The following NOL4L variants were observed in gnomAD, a reference collection of about 807,000 sequenced individuals.
The protein encoded by NOL4L is nucleolar protein 4 like, also known as nucleolar protein 4-like.
In NOL4L, 7 loss-of-function variants were observed where a neutral mutation model predicts 64.5. The ratio of observed to expected loss-of-function variants is 0.11; its 90% CI spans 0.06 to 0.20. The LOEUF is 0.20. NOL4L is among the 10% of genes least tolerant of loss of function. NOL4L has a pLI of 1.00. For synonymous variants in NOL4L, 413 were observed against 401.0 expected (o/e 1.03, Z -0.36); for missense variants, 680 against 967.1 (o/e 0.70, Z 3.94).
intron 1 of NOL4L, among the ~76,000 whole-genome samples, chr20:32,583,867 G>T (rs1978625521): frequency 8.2e-6 from 1 of 122,554 alleles, no homozygotes; most frequent in Non-Finnish European, 1.7e-5. Flanking sequence ...GGAGGGGATG[G>T]ATAGGTCAGG....
chr20:32,488,805 T>TTCTTTC (rs56182517), intron 4 of NOL4L, among the ~76,000 whole-genome samples: 1 of 30,186 alleles, frequency 3.3e-5, no homozygotes, highest in Non-Finnish European at 6.0e-5. Context: ...CTTTCTTTCT[T>TTCTTTC]TTTCTTTCTT....
intron 2 of NOL4L, among the ~76,000 whole-genome samples, chr20:32,527,144 G>A (rs2018162380): frequency 6.6e-6 from 1 of 152,166 alleles, no homozygotes; most frequent in African/African-American, 2.4e-5. Flanking sequence ...ATGCCCCTGA[G>A]CCTGGGTTCT....
chr20:32,500,895 G>C (rs2016898201), intron 4 of NOL4L, among the ~76,000 whole-genome samples: 1 of 152,190 alleles, frequency 6.6e-6, no homozygotes, highest in South Asian at 2.1e-4. Flanking sequence ...AAAATAAACA[G>C]CTATGAGTCT....
At chr20:32,532,079 G>A (rs2018366528) in intron 1 of NOL4L, among the ~76,000 whole-genome samples, 1 of 152,214 alleles carries the variant, frequency 6.6e-6, no homozygotes. Flanking sequence ...CTCTTAGGTT[G>A]ACTCTGGTAA....
Position 32,511,299 on chromosome 20 carries a change from G to A in NOL4L, c.699+48C>T, listed in dbSNP as rs1349679387. ...CTTGGAAAGAATCAACCACCGCCAG[G>A]CAAGTCAGGACGCCTCCAGGTGGGG... On this transcript the variant is annotated intron_variant, in intron 4 of 10. Transcript: ENST00000621426. The A allele has an allele frequency of 1.3e-5, 16 of 1,219,728 alleles. No individual in the cohort carries two copies. The Admixed American group carries it at 3.3e-4, about 25-fold the overall frequency. The allele number at this position is 1,219,728 out of a possible 1,614,324, so 75.6% of individuals were successfully genotyped here.
In NOL4L at chr20:32,463,048, C is replaced by G. The variant is rs2145453257; in HGVS notation, c.842-6653G>C. On this transcript the variant is annotated intron_variant, in intron 5 of 10. Transcript: ENST00000621426. The surrounding 1 kb of genome is among the most constrained non-coding windows in gnomAD (Gnocchi z 5.8). ...GGGCGACCTTGGGCACTGCCACCTC[C>G]TGGGCCTCCTCTTATCTACAGTCCT... Among the ~76,000 whole-genome samples the G allele has an allele frequency of 1.3e-5, 2 of 152,274 alleles. No individual in the cohort carries two copies. The highest frequency in any genetic ancestry group is 3.4e-3 in the Middle Eastern group (1 of 294).
At chr20:32,510,016 G>C in intron 4 of NOL4L, 1 of 1,133,264 alleles carries the variant, frequency 8.8e-7, no homozygotes, top group South Asian at 1.3e-5. Flanking sequence ...GCACAGTGGT[G>C]CTGGGATTCT....
At position 32,488,778 on chromosome 20, in the gene NOL4L, C is replaced by CCTTCCTTTCTTCCTTT. The variant is rs2016232239; in HGVS notation, c.700-14037_700-14036insAAAGGAAGAAAGGAAG. Among the ~76,000 whole-genome samples, 27 of 53,214 alleles carry CCTTCCTTTCTTCCTTT rather than the reference C, an allele frequency of 5.1e-4. 1 individual carries two copies. Among genetic ancestry groups the CCTTCCTTTCTTCCTTT allele is most frequent in the African/African-American group, 1.7e-3 (9 of 5,196 alleles). The allele number at this position is 53,214 out of a possible 152,430, so 34.9% of individuals were successfully genotyped here. A position where few individuals can be genotyped will look rare whatever the true frequency, so the allele number is the denominator to read the frequency against. On this transcript the variant is annotated intron_variant, in intron 4 of 10. Transcript: ENST00000621426. ...TCCTTCCTTCCTTCCTTCCTTCCTT[C>CCTTCCTTTCTTCCTTT]CTTCCTTCCTTCCTTTCTTTCTTTC...
intron 4 of NOL4L, among the ~76,000 whole-genome samples, chr20:32,491,296 G>A (rs569646543): frequency 6.6e-6 from 1 of 152,328 alleles, no homozygotes; most frequent in African/African-American, 2.4e-5. Context: ...AGATCTGGGA[G>A]GGCTCCACTG....
intron 5 of NOL4L, among the ~76,000 whole-genome samples, chr20:32,457,836 C>G (rs534917371): frequency 1.2e-4 from 18 of 152,340 alleles, no homozygotes; most frequent in Non-Finnish European, 1.9e-4. Flanking sequence ...GGAGTCCCGG[C>G]CCGCGCTGGC....
intron 4 of NOL4L, among the ~76,000 whole-genome samples, chr20:32,484,241 G>C (rs920595508): frequency 9.2e-5 from 14 of 152,082 alleles, no homozygotes; most frequent in Non-Finnish European, 1.5e-4. Flanking sequence ...TCGGGGTTCG[G>C]CTCCCCCGGG....
At chr20:32,560,285 C>T (rs1457061184) in intron 1 of NOL4L, among the ~76,000 whole-genome samples, 1 of 152,174 alleles carries the variant, frequency 6.6e-6, no homozygotes, top group Non-Finnish European at 1.5e-5. Context: ...CTAATCCTCC[C>T]GACAAGAGAT....
At chr20:32,476,536 T>C (rs1208140265) in intron 4 of NOL4L, among the ~76,000 whole-genome samples, 1 of 152,224 alleles carries the variant, frequency 6.6e-6, no homozygotes, top group Admixed American at 6.5e-5. Context: ...AGGAAGACTC[T>C]TGGGTATTGT....
At chr20:32,498,030 C>T (rs1294993372) in intron 4 of NOL4L, among the ~76,000 whole-genome samples, 1 of 152,194 alleles carries the variant, frequency 6.6e-6, no homozygotes, top group Non-Finnish European at 1.5e-5. Context: ...AGTTGAAAGG[C>T]CACCTTGGCA....
intron 4 of NOL4L, among the ~76,000 whole-genome samples, chr20:32,503,460 G>A (rs544828672): frequency 1.5e-4 from 23 of 152,300 alleles, no homozygotes; most frequent in African/African-American, 4.6e-4. Context: ...AGAGGGAAGT[G>A]GTGGCCTCAG....
At chr20:32,510,182 G>T (rs1293402850) in intron 4 of NOL4L, 1 of 362,594 alleles carries the variant, frequency 2.8e-6, no homozygotes, top group Non-Finnish European at 5.4e-6. Flanking sequence ...TCCCAGAACA[G>T]GCACGCTCAG....
intron 1 of NOL4L, among the ~76,000 whole-genome samples, chr20:32,533,050 CTGAGATGGGAAGACCACT>C (rs1186944865): frequency 1.3e-5 from 2 of 152,204 alleles, no homozygotes; most frequent in African/African-American, 4.8e-5. Context: ...ACTCAGGATG[CTGAGATGGGAAGACCACT>C]TGAGCCCAGG....
At chr20:32,505,939 T>C (rs1031323098) in intron 4 of NOL4L, among the ~76,000 whole-genome samples, 2 of 152,112 alleles carry the variant, frequency 1.3e-5, no homozygotes, top group African/African-American at 4.8e-5. Flanking sequence ...TTTCGGGTGA[T>C]GAAAAAATTT....
intron 1 of NOL4L, among the ~76,000 whole-genome samples, chr20:32,556,813 C>T (rs937511531): frequency 6.6e-6 from 1 of 152,244 alleles, no homozygotes; most frequent in African/African-American, 2.4e-5. Context: ...CCCAAGGCCA[C>T]ACAACCGGTT....
Sources: gnomAD v4.1 joint callset for allele counts (sites outside exome capture counted in the v4.1 genomes callset) on GRCh38, gnomAD v4.1.1 for gene constraint, Gnocchi (gnomAD v3.1) non-coding constraint, MANE v1.5 for transcripts, NCBI Gene and HGNC (gene_info 2026-07-23, HGNC 2026-07-21) for gene names.